The following ECT2 variants were observed in gnomAD, a reference collection of about 807,000 sequenced individuals.
ECT2 encodes epithelial cell transforming 2, also known as protein ECT2.
Under a neutral mutation model 116.9 loss-of-function variants are expected in ECT2, and 61 were observed. That is an observed-to-expected ratio of 0.52 (90% CI 0.42 to 0.65). The LOEUF (loss-of-function observed/expected upper bound fraction) is 0.65, where lower values mean the gene tolerates loss of function less well. ECT2 is among the 30% of genes least tolerant of loss of function. The pLI is 0.00. For missense variants in ECT2, 937 were observed against 1,078.7 expected (o/e 0.87, Z 1.84); for synonymous variants, 358 against 346.4 (o/e 1.03, Z -0.37).
chr3:172,809,296 T>G (rs1009004544), intron 22 of ECT2, among the ~76,000 whole-genome samples: 1 of 152,128 alleles, frequency 6.6e-6, no homozygotes, highest in African/African-American at 2.4e-5. Flanking sequence ...TGATGGCTAA[T>G]AGTACTAGAA....
rs746543430 is a variant in ECT2 at position 172,754,628 on chromosome 3, A to T, written c.98A>T (p.Asn33Ile). The change falls in exon 2 of 25, where the codon AAC becomes ATC. Residue 33 changes from asparagine (N) to isoleucine (I), a missense_variant. Coordinates refer to ENST00000392692, the MANE Select transcript of ECT2 (RefSeq NM_001258315.2). The part of the protein sequence containing the change: ...DSKVTEISKE[N>I]LLIGSTSYVE... ...AAAGTTACTGAGATTTCCAAGGAAAACTTACTTATTGGATCTACTTCATAT... is the reference window on the plus strand; with the variant it reads ...AAAGTTACTGAGATTTCCAAGGAAATCTTACTTATTGGATCTACTTCATAT... The T allele has an allele frequency of 6.2e-7, 1 of 1,611,550 alleles. No homozygotes were observed. The highest frequency in any genetic ancestry group is 2.2e-5 in the East Asian group (1 of 44,754).
chr3:172,758,056 C>T (rs1272830034), intron 5 of ECT2, among the ~76,000 whole-genome samples: 1 of 152,150 alleles, frequency 6.6e-6, no homozygotes, highest in African/African-American at 2.4e-5. Flanking sequence ...GACAGGATTT[C>T]ACCATGTTGG....
At chr3:172,760,446 CTTTTCTTTTT>C (rs1396457498) in intron 7 of ECT2, among the ~76,000 whole-genome samples, 183 bp downstream of exon 7, 3 of 151,622 alleles carry the variant, frequency 2.0e-5, no homozygotes, top group Admixed American at 6.6e-5. Flanking sequence ...CTTTTCTTTT[CTTTTCTTTTT>C]TTTTAAATAG....
Position 172,759,081 on chromosome 3 carries a change from G to A in ECT2, c.576+12G>A, listed in dbSNP as rs117612156. On this transcript the variant is annotated intron_variant, in intron 6 of 24. Coordinates refer to ENST00000392692, the MANE Select transcript of ECT2 (RefSeq NM_001258315.2). ...AAAAAGAAGAACTAGTAAGTATTACGAAACAAATTCAAAGCGTATTTTTTA... is the reference window on the plus strand; with the variant it reads ...AAAAAGAAGAACTAGTAAGTATTACAAAACAAATTCAAAGCGTATTTTTTA... 3,681 of 1,538,684 alleles carry A rather than the reference G, an allele frequency of 2.4e-3. 65 individuals carry two copies. The East Asian group carries it at 0.046, about 19-fold the overall frequency.
chr3:172,774,568 C>A (rs1721306100), intron 14 of ECT2, among the ~76,000 whole-genome samples: 1 of 151,972 alleles, frequency 6.6e-6, no homozygotes, highest in African/African-American at 2.4e-5. Context: ...TGACTTACTG[C>A]AACCTTGACC....
intron 5 of ECT2, 118 bp from the exon 6 acceptor site, chr3:172,758,862 C>G: frequency 1.6e-5 from 13 of 827,388 alleles, no homozygotes; most frequent in Non-Finnish European, 2.4e-5. Flanking sequence ...GCCAGTAAAT[C>G]TTTGGATTGG....
intron 24 of ECT2, among the ~76,000 whole-genome samples, chr3:172,819,490 C>T (rs1280291180): frequency 2.0e-5 from 3 of 151,432 alleles, no homozygotes; most frequent in Non-Finnish European, 2.9e-5. Flanking sequence ...AATTTTTATA[C>T]GGAACGAAAT....
intron 14 of ECT2, 105 bp downstream of exon 14, chr3:172,774,127 AC>A: frequency 1.9e-6 from 2 of 1,041,390 alleles, no homozygotes; most frequent in African/African-American, 3.2e-5. Flanking sequence ...TGTACCTAAA[AC>A]TTCTTATTCC....
intron 14 of ECT2, among the ~76,000 whole-genome samples, chr3:172,781,573 T>C (rs1456890829): frequency 6.6e-6 from 1 of 152,178 alleles, no homozygotes; most frequent in African/African-American, 2.4e-5. Flanking sequence ...GATTTGTTTG[T>C]TTATTATAAA....
rs1363921173 is a variant in ECT2 at position 172,757,082 on chromosome 3, G to A, written c.403G>A (p.Asp135Asn). 6.2e-7 allele frequency: 1 copy of A among 1,610,382 alleles called. No individual in the cohort carries two copies. Among genetic ancestry groups the A allele is most frequent in the Non-Finnish European group, 8.5e-7 (1 of 1,178,754 alleles). ...TGTATTTGTAGTCACGGACTTTCAG[G>A]ATTCTGTCTTTAATGACCTCTACAA... is the stretch of plus-strand genomic sequence containing the variant. ...ENVFVVTDFQ[D>N]SVFNDLYKAD... The change falls in exon 5 of 25, where the codon GAT (aspartate) becomes AAT (asparagine). Residue 135 changes from aspartate to asparagine, a missense_variant. Transcript: ENST00000392692.
chr3:172,789,833 C>A (rs1431672942), intron 18 of ECT2, among the ~76,000 whole-genome samples: 1 of 152,054 alleles, frequency 6.6e-6, no homozygotes, highest in South Asian at 2.1e-4. Flanking sequence ...CAATTCAGTC[C>A]CATCTTTAGT....
intron 17 of ECT2, among the ~76,000 whole-genome samples, chr3:172,785,858 T>G (rs567967612): frequency 9.2e-5 from 14 of 152,336 alleles, no homozygotes; most frequent in African/African-American, 3.4e-4. Context: ...GGTTTTCTTC[T>G]GATTTGCATA....
chr3:172,760,004 TA>T, intron 6 of ECT2, 151 bp from the exon 7 acceptor site: 1 of 520,848 alleles, frequency 1.9e-6, no homozygotes, highest in East Asian at 3.3e-5. Flanking sequence ...TTTTTATACT[TA>T]CTTTGACATA....
At chr3:172,795,940 A>G (rs1338384960) in intron 18 of ECT2, among the ~76,000 whole-genome samples, 1 of 152,230 alleles carries the variant, frequency 6.6e-6, no homozygotes, top group Non-Finnish European at 1.5e-5. Context: ...TGTGTTTTTT[A>G]ATTAAAAAAC....
chr3:172,807,811 G>A lies in ECT2; in HGVS notation c.2287G>A (p.Glu763Lys). The A allele has an allele frequency of 6.2e-7, 1 of 1,613,834 alleles. No individual in the cohort carries two copies. Among genetic ancestry groups the A allele is most frequent in the Non-Finnish European group, 8.5e-7 (1 of 1,179,804 alleles). The change falls in exon 22 of 25, where the codon GAG (glutamate) becomes AAG (lysine). Residue 763 changes from glutamate (E) to lysine (K), a missense_variant. Glu to Lys is a moderately conservative substitution (Grantham distance 56). Coordinates refer to ENST00000392692, the MANE Select transcript of ECT2 (RefSeq NM_001258315.2). Reference sequence around the variant, plus strand: ...TGCCTTGCTTGTGAGGCCACCAACAGAGCAGGCAAATGTGCTACTCAGTTT... The same window carrying A: ...TGCCTTGCTTGTGAGGCCACCAACAAAGCAGGCAAATGTGCTACTCAGTTT... ...AFALLVRPPT[E>K]QANVLLSFQM...
intron 18 of ECT2, among the ~76,000 whole-genome samples, chr3:172,798,063 C>T (rs1165248001): frequency 1.3e-5 from 2 of 151,746 alleles, no homozygotes; most frequent in African/African-American, 2.4e-5. Flanking sequence ...TGAGGTGAAC[C>T]CCTGGGAAGC....
At chr3:172,791,462 A>G (rs114936863) in intron 18 of ECT2, among the ~76,000 whole-genome samples, 4,763 of 152,278 alleles carry the variant, frequency 0.031, 94 homozygotes, top group Middle Eastern at 0.058. Context: ...TATTATAGCC[A>G]CCTTCTTCAA....
intron 24 of ECT2, 101 bp downstream of exon 24, chr3:172,816,938 A>T (rs2109353922): frequency 2.1e-6 from 2 of 937,644 alleles, no homozygotes; most frequent in East Asian, 2.8e-5. Flanking sequence ...ATTTTAAAAA[A>T]ATTTTAATAA....
At chr3:172,783,776 G>A (rs762605945) in intron 15 of ECT2, 23 bp from the exon 16 acceptor site, 6 of 1,449,316 alleles carry the variant, frequency 4.1e-6, no homozygotes, top group Non-Finnish European at 4.8e-6. Flanking sequence ...AATAAATAAT[G>A]TTTTTTTCCC....
Sources: allele counts gnomAD v4.1 joint callset (sites outside exome capture counted in the v4.1 genomes callset), GRCh38; gene constraint gnomAD v4.1.1; transcripts MANE v1.5; gene names NCBI Gene and HGNC (gene_info 2026-07-23, HGNC 2026-07-21).